Variants in GPS1 observed in about 807,000 individuals in gnomAD.
GPS1 encodes the protein G protein pathway suppressor 1.
GPS1 carries 11 observed loss-of-function variants against 60.0 expected under a neutral mutation model. The ratio of observed to expected loss-of-function variants is 0.18; its 90% CI spans 0.12 to 0.30. The LOEUF (loss-of-function observed/expected upper bound fraction) is 0.30, where lower values mean the gene tolerates loss of function less well. GPS1 is among the 10% of genes least tolerant of loss of function. The pLI is 1.00. For missense variants in GPS1, 543 were observed against 669.2 expected (o/e 0.81, Z 2.08); for synonymous variants, 343 against 269.8 (o/e 1.27, Z -2.66).
chr17:82,056,868 G>A lies in GPS1; in HGVS notation c.1283G>A (p.Arg428His), dbSNP rs1166947720. 1.2e-6 allele frequency: 2 copies of A among 1,612,672 alleles called. No individual in the cohort carries two copies. Among genetic ancestry groups the A allele is most frequent in the Admixed American group, 1.7e-5 (1 of 59,988 alleles). Reference sequence around the variant, plus strand: ...CTATACGCCCGGGACGTGGATCAGCGCAGCACCACCTTTGAGAAGTCTCTG... The same window carrying A: ...CTATACGCCCGGGACGTGGATCAGCACAGCACCACCTTTGAGAAGTCTCTG... ...KILYARDVDQRSTTFEKSLLM... is the reference protein window; with the variant it reads ...KILYARDVDQHSTTFEKSLLM... Residue 428 changes from arginine to histidine, a missense_variant, in exon 12 of 13, where the codon CGC (arginine) becomes CAC (histidine). Coordinates refer to ENST00000578552, the MANE Select transcript of GPS1 (RefSeq NM_001321092.3).
intron 6 of GPS1, 41 bp from the exon 7 acceptor site, chr17:82,055,699 A>ACCCCCCC (rs1568062040): frequency 9.8e-7 from 1 of 1,017,788 alleles, no homozygotes. Flanking sequence ...CTGGGGTCTT[A>ACCCCCCC]CCCCCTCTCC....
At position 82,057,217 on chromosome 17, in the gene GPS1, C is replaced by T. The variant is rs111309938; in HGVS notation, c.*90C>T. 13,834 of 1,527,484 alleles carry T rather than the reference C, an allele frequency of 9.1e-3. 81 individuals are homozygous for T. Among genetic ancestry groups the T allele is most frequent in the Non-Finnish European group, 0.01 (11,615 of 1,110,322 alleles). 94.6% of individuals were successfully genotyped at this position (1,527,484 alleles called of 1,614,324 possible). A position where few individuals can be genotyped will look rare whatever the true frequency, so the allele number is the denominator to read the frequency against. On this transcript the variant is annotated 3_prime_UTR_variant, in exon 13 of 13. Coordinates refer to ENST00000578552, the MANE Select transcript of GPS1 (RefSeq NM_001321092.3). The stretch of plus-strand genomic sequence containing the variant: ...AGGCGGCTCAGTGCTGCCTGCGGCC[C>T]AGCTAAGGGGCCTGGCCACTGGGTG...
chr17:82,054,885 G>GC lies in GPS1; in HGVS notation c.610-6dup, dbSNP rs748705896. On this transcript the variant is annotated splice_polypyrimidine_tract_variant and intron_variant, in intron 4 of 12. Transcript: ENST00000578552. Reference sequence around the variant, plus strand: ...GGCGCCCGGGCTCACTTGGCTCTGCGCCCCCCCGCCAGGTCAGCGTCTACT... The same window carrying GC: ...GGCGCCCGGGCTCACTTGGCTCTGCGCCCCCCCCGCCAGGTCAGCGTCTACT... 9.4e-4 allele frequency: 1,469 copies of GC among 1,569,260 alleles called. 1 individual carries two copies. Among genetic ancestry groups the GC allele is most frequent in the Non-Finnish European group, 1.1e-3 (1,255 of 1,155,974 alleles).
At chr17:82,053,140 C>T (rs2031463995) in intron 1 of GPS1, 134 bp from the exon 2 acceptor site, 1 of 598,030 alleles carries the variant, frequency 1.7e-6, no homozygotes, top group Non-Finnish European at 2.6e-6. Context: ...ACCTGGGGGA[C>T]AGCAGCGGCG....
rs544097582 is a variant in GPS1 at position 82,055,886 on chromosome 17, G to T, written c.834+61G>T. On this transcript the variant is annotated intron_variant, in intron 7 of 12. Coordinates refer to ENST00000578552, the MANE Select transcript of GPS1 (RefSeq NM_001321092.3). The stretch of plus-strand genomic sequence containing the variant: ...TGGGCTCATGGGTCAGGCTGCTTCT[G>T]TAGGAGGGTGAGGTCTCTCACAAAT... 5.4e-6 allele frequency: 8 copies of T among 1,474,794 alleles called. No homozygotes were observed. In the East Asian group the frequency reaches 1.9e-4, roughly 36 times the overall value. 91.4% of individuals were successfully genotyped at this position (1,474,794 alleles called of 1,614,324 possible). A position where few individuals can be genotyped will look rare whatever the true frequency, so the allele number is the denominator to read the frequency against.
intron 8 of GPS1, 77 bp from the exon 9 acceptor site, chr17:82,056,209 T>TG: frequency 7.3e-7 from 1 of 1,361,014 alleles, no homozygotes; most frequent in Non-Finnish European, 1.0e-6. Context: ...GGTGTTTGTC[T>TG]GGGGACTGGT....
chr17:82,055,101 T>C (rs2144551866), intron 5 of GPS1, 61 bp from the exon 6 acceptor site: 1 of 1,566,866 alleles, frequency 6.4e-7, no homozygotes, highest in Non-Finnish European at 8.7e-7. Flanking sequence ...GTCTGGGGGC[T>C]GGGCATCGAG....
At position 82,055,350 on chromosome 17, in the gene GPS1, G is replaced by A. The variant is rs763976360; in HGVS notation, c.748+128G>A. ...CCCTGGCAGGGCGCAGGATGTTGTG[G>A]GCACATGTACAGGTGTAGGTGGTGC... On this transcript the variant is annotated intron_variant, in intron 6 of 12. Transcript: ENST00000578552. The A allele has an allele frequency of 1.0e-5, 10 of 979,714 alleles. No individual in the cohort carries two copies. The South Asian group carries it at 1.4e-4, about 14-fold the overall frequency. 60.7% of individuals were successfully genotyped at this position (979,714 alleles called of 1,614,324 possible).
chr17:82,053,243 C>T (rs745625432), intron 1 of GPS1, 31 bp from the exon 2 acceptor site: 15 of 1,509,092 alleles, frequency 9.9e-6, no homozygotes, highest in Middle Eastern at 1.7e-4. Flanking sequence ...GTCCCCAGGA[C>T]GAGGTGCCAG....
rs34809889 is a variant in GPS1 at position 82,054,099 on chromosome 17, G to C, written c.308+50G>C. The stretch of plus-strand genomic sequence containing the variant: ...GAAGCAGAGGCCACCAAGGGAGCGC[G>C]GGTGTCTGGGACTGGGCCCCCTTCC... On this transcript the variant is annotated intron_variant, in intron 3 of 12. Transcript: ENST00000578552. 5.2e-6 allele frequency: 8 copies of C among 1,538,984 alleles called. No homozygotes were observed. In the South Asian group the frequency reaches 9.8e-5, roughly 19 times the overall value.
chr17:82,052,499 G>A, intron 1 of GPS1: 2 of 1,594,692 alleles, frequency 1.3e-6, no homozygotes, highest in South Asian at 1.1e-5. Flanking sequence ...AGGGAGGGGG[G>A]AGCAGGGCCC....
At position 82,056,100 on chromosome 17, in the gene GPS1, G is replaced by T; in HGVS notation, c.929+5G>T. On this transcript the variant is annotated splice_donor_5th_base_variant and intron_variant, in intron 8 of 12. Transcript: ENST00000578552. ...GCGCAATGTCATCTCCAGCAGGTAG[G>T]TGCCCCGGTCCTGCAGCCCTGAAGG... The T allele has an allele frequency of 6.2e-7, 1 of 1,609,448 alleles. No homozygotes were observed.
rs1010345035 is a variant in GPS1 at position 82,057,058 on chromosome 17, G to C, written c.1395G>C (p.Pro465=). Reference sequence around the variant, plus strand: ...GCTCCTTGTCTCCCCTGCAGTCCCCGCCCAGAGAAGGGAGCCAGGGGGAGC... The same window carrying C: ...GCTCCTTGTCTCCCCTGCAGTCCCCCCCCAGAGAAGGGAGCCAGGGGGAGC... ...VLRNQIHVKS[P]PREGSQGELT... The change falls in exon 13 of 13, where the codon CCG becomes CCC. Residue 465 remains proline, a synonymous_variant. Transcript: ENST00000578552. The C allele has an allele frequency of 6.3e-7, 1 of 1,595,232 alleles. No individual in the cohort carries two copies. Among genetic ancestry groups the C allele is most frequent in the Non-Finnish European group, 8.6e-7 (1 of 1,169,038 alleles).
intron 8 of GPS1, 46 bp from the exon 9 acceptor site, chr17:82,056,240 G>A: frequency 2.8e-6 from 4 of 1,434,448 alleles, no homozygotes; most frequent in Non-Finnish European, 3.9e-6. Flanking sequence ...CCACTTGGAG[G>A]GAGGGGCAGG....
Position 82,052,181 on chromosome 17 carries a change from G to C in GPS1, c.33+217G>C. ...GATCGGGGGCCGCCGGGCCGCGCCC[G>C]CCCCGCCTCCCCTCCCAGCAGCTCA... On this transcript the variant is annotated intron_variant, in intron 1 of 12. Transcript: ENST00000578552. 10 of 1,276,642 alleles carry C rather than the reference G, an allele frequency of 7.8e-6. No homozygotes were observed. The South Asian group carries it at 8.4e-5, about 11-fold the overall frequency. 79.1% of individuals were successfully genotyped at this position (1,276,642 alleles called of 1,614,324 possible).
At chr17:82,054,116 C>T in intron 3 of GPS1, 67 bp downstream of exon 3, 8 of 1,490,292 alleles carry the variant, frequency 5.4e-6, no homozygotes, top group South Asian at 1.3e-5. Flanking sequence ...TGGGACTGGG[C>T]CCCCTTCCTG....
intron 8 of GPS1, 49 bp downstream of exon 8, chr17:82,056,144 G>C (rs374456052): frequency 1.3e-6 from 2 of 1,496,912 alleles, no homozygotes; most frequent in African/African-American, 1.4e-5. Flanking sequence ...GTCCCTCTCC[G>C]TGGCTGCTGC....
chr17:82,056,735 T>C lies in GPS1; in HGVS notation c.1223T>C (p.Leu408Pro). 6.3e-7 allele frequency: 1 copy of C among 1,587,048 alleles called. No homozygotes were observed. Among genetic ancestry groups the C allele is most frequent in the Middle Eastern group, 1.7e-4 (1 of 5,946 alleles). Residue 408 changes from leucine to proline, a missense_variant, in exon 11 of 13, where the codon CTG (leucine) becomes CCG (proline). Coordinates refer to ENST00000578552, the MANE Select transcript of GPS1 (RefSeq NM_001321092.3). ...CTGACGCAGCTAATCCTGGAGGGGC[T>C]GATCAGTGCCCGTGTGGACTCACAC... ...DELTQLILEG[L>P]ISARVDSHSK... is the part of the protein sequence containing the mutation.
chr17:82,054,505 C>T lies in GPS1; in HGVS notation c.309-5C>T, dbSNP rs774035765. On this transcript the variant is annotated splice_region_variant and splice_polypyrimidine_tract_variant and intron_variant, in intron 3 of 12. Transcript: ENST00000578552. ...CGCCATCCTGATGGCCAGGTCCTCT[C>T]TCAGGGAGCTGCAGAACGCACCCGA... 2.7e-6 allele frequency: 4 copies of T among 1,509,278 alleles called. No individual in the cohort carries two copies. The South Asian group carries it at 3.9e-5, about 15-fold the overall frequency. The allele number at this position is 1,509,278 out of a possible 1,614,324, so 93.5% of individuals were successfully genotyped here. A position where few individuals can be genotyped will look rare whatever the true frequency, so the allele number is the denominator to read the frequency against.
Sources: gnomAD v4.1 joint callset for allele counts on GRCh38, gnomAD v4.1.1 for gene constraint, MANE v1.5 for transcripts, NCBI Gene and HGNC (gene_info 2026-07-23, HGNC 2026-07-21) for gene names.